The following MAD1L1 variants were observed in gnomAD, a reference collection of about 807,000 sequenced individuals.
MAD1L1 encodes mitotic spindle assembly checkpoint protein MAD1.
MAD1L1 carries 95 observed loss-of-function variants against 96.9 expected under a neutral mutation model. The observed-to-expected ratio is 0.98, with a 90% CI of 0.83 to 1.16. The LOEUF (loss-of-function observed/expected upper bound fraction) is 1.16. MAD1L1 is among the 50% of genes most tolerant of loss of function. MAD1L1 has a pLI of 0.00. For missense variants in MAD1L1, 1,007 were observed against 954.4 expected, an observed-to-expected ratio of 1.06 and a Z score of -0.73; for synonymous variants, 473 against 396.6, an observed-to-expected ratio of 1.19 and a Z score of -2.29.
chr7:2,062,894 T>C (rs1038625733), intron 12 of MAD1L1, among the ~76,000 whole-genome samples: 1 of 152,156 alleles, frequency 6.6e-6, no homozygotes, highest in Non-Finnish European at 1.5e-5. Flanking sequence ...AGGAACACGC[T>C]GCATTCCCAG....
chr7:2,091,197 G>A (rs1348945050), intron 11 of MAD1L1, among the ~76,000 whole-genome samples: 3 of 152,134 alleles, frequency 2.0e-5, no homozygotes, highest in Non-Finnish European at 2.9e-5. Flanking sequence ...GGCTCCTCCT[G>A]TGTATTTCCT....
chr7:1,926,910 CAT>C (rs1789121843), intron 17 of MAD1L1, among the ~76,000 whole-genome samples: 1 of 152,264 alleles, frequency 6.6e-6, no homozygotes, highest in South Asian at 2.1e-4. Context: ...AAATAGAAGA[CAT>C]ATGGATCTTA....
chr7:1,996,948 G>A (rs1781587487), intron 14 of MAD1L1, among the ~76,000 whole-genome samples: 1 of 151,942 alleles, frequency 6.6e-6, no homozygotes, highest in Non-Finnish European at 1.5e-5. Context: ...AATATTAGAG[G>A]ATATTTTAGA....
chr7:1,824,049 C>A (rs118025257), intron 18 of MAD1L1, among the ~76,000 whole-genome samples: 1 of 152,158 alleles, frequency 6.6e-6, no homozygotes, highest in Non-Finnish European at 1.5e-5. Flanking sequence ...GGGTGTCCTG[C>A]AGCTGGGTCC....
intron 12 of MAD1L1, among the ~76,000 whole-genome samples, chr7:2,044,220 A>G (rs949157440): frequency 6.6e-6 from 1 of 152,244 alleles, no homozygotes; most frequent in African/African-American, 2.4e-5. Context: ...CATTCCTCCC[A>G]ACTTGTTCAG....
At chr7:1,985,706 A>T (rs117808635) in intron 14 of MAD1L1, among the ~76,000 whole-genome samples, 1 of 152,110 alleles carries the variant, frequency 6.6e-6, no homozygotes, top group Admixed American at 6.5e-5. Context: ...AATTCAGGAG[A>T]TGGAACTCTT....
rs893938119 is a variant in MAD1L1, at chr7:2,217,995, T to C, written c.645A>G (p.Gln215=). The C allele has an allele frequency of 1.9e-6, 3 of 1,614,054 alleles. No homozygotes were observed. The highest frequency in any genetic ancestry group is 2.7e-5 in the African/African-American group (2 of 74,936). ...GCTGCTCGTGGTCTGCTCTTGCTTC[T>C]TGGCTGGCCTGGAGTTCCTGGATTT... ...NQKIQELQAS[Q]EARADHEQQI... is the part of the protein sequence containing the mutation. Residue 215 remains glutamine (Q), a synonymous_variant, in exon 7 of 19, where the codon CAA becomes CAG. Transcript: ENST00000265854.
At chr7:1,906,890 G>A (rs1057308160) in intron 17 of MAD1L1, among the ~76,000 whole-genome samples, 7 of 152,218 alleles carry the variant, frequency 4.6e-5, no homozygotes, top group African/African-American at 1.7e-4. Context: ...CTGAACGTCC[G>A]TTTATCCCCG....
chr7:2,097,583 G>A (rs1304455000), intron 11 of MAD1L1, among the ~76,000 whole-genome samples: 1 of 152,230 alleles, frequency 6.6e-6, no homozygotes. Context: ...CTCACACCTA[G>A]AGAAGCTATG....
intron 18 of MAD1L1, among the ~76,000 whole-genome samples, chr7:1,888,829 ATT>A (rs1786354338): frequency 6.6e-6 from 1 of 152,148 alleles, no homozygotes; most frequent in African/African-American, 2.4e-5. Context: ...GTGGGCATGT[ATT>A]TGTGTCCATG....
chr7:2,104,380 T>C (rs1436908685), intron 11 of MAD1L1, among the ~76,000 whole-genome samples: 5 of 152,252 alleles, frequency 3.3e-5, no homozygotes, highest in Non-Finnish European at 5.9e-5. Context: ...GGCGGCGCAA[T>C]AGCAGGCCAA....
intron 18 of MAD1L1, among the ~76,000 whole-genome samples, chr7:1,820,069 G>A (rs1782044691): frequency 6.6e-6 from 1 of 152,138 alleles, no homozygotes; most frequent in South Asian, 2.1e-4. Flanking sequence ...TCATCTGTGG[G>A]GTGGCGTGAA....
At chr7:2,159,680 T>C (rs1562740384) in intron 10 of MAD1L1, among the ~76,000 whole-genome samples, 1 of 152,230 alleles carries the variant, frequency 6.6e-6, no homozygotes, top group African/African-American at 2.4e-5. Flanking sequence ...ACTATCCGAC[T>C]AAATGCTACG....
intron 11 of MAD1L1, among the ~76,000 whole-genome samples, chr7:2,105,030 C>A (rs1787016298): frequency 2.0e-5 from 3 of 152,174 alleles, no homozygotes; most frequent in African/African-American, 7.2e-5. Context: ...GAGGGCTGAC[C>A]CACCCAGTCA....
intron 8 of MAD1L1, 54 bp from the exon 9 acceptor site, chr7:2,216,053 C>A: frequency 6.2e-7 from 1 of 1,611,450 alleles, no homozygotes; most frequent in African/African-American, 1.3e-5. Flanking sequence ...GGGATAAGGC[C>A]AAGAGCCCGG....
chr7:2,143,851 G>A lies in MAD1L1; in HGVS notation c.1073+5301C>T, dbSNP rs1402722499. Among the ~76,000 whole-genome samples the A allele has an allele frequency of 2.0e-5, 3 of 152,170 alleles. No homozygotes were observed. The East Asian group carries it at 5.8e-4, about 29-fold the overall frequency. On this transcript the variant is annotated intron_variant, in intron 11 of 18. Transcript: ENST00000265854. ...ACAGAGGGGAGGCAGGGGAGGCCAGGGCAGACCCCAACATGAAGAGCTCCA... is the reference window on the plus strand; with the variant it reads ...ACAGAGGGGAGGCAGGGGAGGCCAGAGCAGACCCCAACATGAAGAGCTCCA...
chr7:2,045,294 C>A (rs1212109853), intron 12 of MAD1L1, among the ~76,000 whole-genome samples: 1 of 151,906 alleles, frequency 6.6e-6, no homozygotes, highest in East Asian at 1.9e-4. Flanking sequence ...CCTGTGTCCC[C>A]GTGAGATACC....
intron 12 of MAD1L1, among the ~76,000 whole-genome samples, chr7:2,038,298 G>A (rs1262139882): frequency 6.6e-6 from 1 of 152,118 alleles, no homozygotes; most frequent in Non-Finnish European, 1.5e-5. Context: ...CGGAGAAGCT[G>A]CAGCAAGTTC....
chr7:2,189,406 G>A (rs570179006), intron 10 of MAD1L1, among the ~76,000 whole-genome samples: 1 of 152,350 alleles, frequency 6.6e-6, no homozygotes, highest in Admixed American at 6.5e-5. Context: ...TCCATCAACA[G>A]GTGACTGGAT....
Sources: gnomAD v4.1 joint callset for allele counts (sites outside exome capture counted in the v4.1 genomes callset) on GRCh38, gnomAD v4.1.1 for gene constraint, MANE v1.5 for transcripts, NCBI Gene and HGNC (gene_info 2026-07-23, HGNC 2026-07-21) for gene names.